Variants in BTBD3 observed in about 807,000 individuals in gnomAD.
BTBD3 encodes the protein BTB domain containing 3.
Under a neutral mutation model 41.6 loss-of-function variants are expected in BTBD3, and 14 were observed. The observed-to-expected ratio is 0.34, with a 90% confidence interval of 0.22 to 0.53. BTBD3 has a LOEUF of 0.53. Ranked by LOEUF, BTBD3 falls within the 20% of genes least tolerant of loss-of-function variation. BTBD3 has a pLI of 0.95. For missense variants in BTBD3, 426 were observed against 654.7 expected, an observed-to-expected ratio of 0.65 and a Z score of 3.81; for synonymous variants, 249 against 233.7, an observed-to-expected ratio of 1.07 and a Z score of -0.60.
intron 1 of BTBD3, among the ~76,000 whole-genome samples, chr20:11,905,726 A>T (rs1284435025): frequency 6.6e-6 from 1 of 152,186 alleles, no homozygotes; most frequent in Non-Finnish European, 1.5e-5. Flanking sequence ...TAGTAATAAA[A>T]GTTACAGAGC....
intron 1 of BTBD3, among the ~76,000 whole-genome samples, chr20:11,907,753 A>G (rs1344638131): frequency 2.0e-5 from 3 of 152,192 alleles, no homozygotes; most frequent in African/African-American, 7.2e-5. Context: ...GATGGCAGGA[A>G]GCAATGGACC....
upstream of BTBD3, among the ~76,000 whole-genome samples, chr20:11,914,959 T>C (rs6109183): frequency 0.71 from 108,617 of 151,980 alleles, 39,212 homozygotes; most frequent in Non-Finnish European, 0.76. Flanking sequence ...TGAATCTCTT[T>C]CATCTTATAG....
chr20:11,923,481 G>A lies in BTBD3; in HGVS notation c.1384G>A (p.Glu462Lys), dbSNP rs750419351. The change falls in exon 4 of 4, where the codon GAG becomes AAG. Residue 462 changes from glutamate to lysine, a missense_variant. By Grantham distance (56) the Glu-to-Lys change is moderately conservative. Transcript: ENST00000378226. This position sits in a 1 kb window ranked among gnomAD's most constrained non-coding sequence, Gnocchi z 5.3. Reference protein sequence around the residue: ...PVWFEYPVQIEPDTFYTASVI... With the variant: ...PVWFEYPVQIKPDTFYTASVI... Reference sequence around the variant, plus strand: ...ATGGTTTGAATACCCAGTGCAGATCGAGCCAGACACCTTCTACACAGCCAG... The same window carrying A: ...ATGGTTTGAATACCCAGTGCAGATCAAGCCAGACACCTTCTACACAGCCAG... 8 of 1,613,510 alleles carry A rather than the reference G, an allele frequency of 5.0e-6. No individual in the cohort carries two copies. Among genetic ancestry groups the A allele is most frequent in the South Asian group, 2.2e-5 (2 of 91,018 alleles).
At chr20:11,908,499 T>A (rs1286293985) in intron 1 of BTBD3, among the ~76,000 whole-genome samples, 6 of 151,964 alleles carry the variant, frequency 3.9e-5, no homozygotes, top group African/African-American at 1.4e-4. Context: ...TTTAAGAACA[T>A]GTTTTCATGA....
intron 3 of BTBD3, chr20:11,921,632 A>G (rs1446731425): frequency 1.3e-5 from 2 of 152,226 alleles, no homozygotes; most frequent in Non-Finnish European, 2.9e-5. Flanking sequence ...TTCGCCTATC[A>G]GAGAAGAGAA....
intron 1 of BTBD3, among the ~76,000 whole-genome samples, chr20:11,903,963 A>G (rs758459426): frequency 6.6e-6 from 1 of 152,162 alleles, no homozygotes; most frequent in Non-Finnish European, 1.5e-5. Context: ...GTGCAAAAAT[A>G]TATTTTGGAG....
chr20:11,891,746 A>G (rs1328377155), intron 1 of BTBD3, among the ~76,000 whole-genome samples: 1 of 152,142 alleles, frequency 6.6e-6, no homozygotes, highest in Non-Finnish European at 1.5e-5. Flanking sequence ...ATCCCTATTT[A>G]TCAAGCAACC....
intron 1 of BTBD3, among the ~76,000 whole-genome samples, chr20:11,906,254 C>CTTTTTTTTTTTTTT (rs3071747): frequency 0.015 from 552 of 36,230 alleles, 164 homozygotes; most frequent in Non-Finnish European, 0.018. Flanking sequence ...ATTATTACTC[C>CTTTTTTTTTTTTTT]TTTTTTTTTT....
intron 1 of BTBD3, among the ~76,000 whole-genome samples, chr20:11,908,755 TA>T (rs2056871673): frequency 6.6e-6 from 1 of 152,162 alleles, no homozygotes; most frequent in African/African-American, 2.4e-5. Context: ...CTGATTATAA[TA>T]GCATGAGAGG....
chr20:11,911,049 C>T (rs1266366450), intron 1 of BTBD3, among the ~76,000 whole-genome samples: 2 of 152,072 alleles, frequency 1.3e-5, no homozygotes, highest in East Asian at 3.9e-4. Flanking sequence ...AGATTTCTTT[C>T]TTTCTGTTGA....
At chr20:11,895,909 C>CTGT (rs1176245967) in intron 1 of BTBD3, among the ~76,000 whole-genome samples, 1 of 152,190 alleles carries the variant, frequency 6.6e-6, no homozygotes, top group African/African-American at 2.4e-5. Context: ...ACTTGTCCAT[C>CTGT]TGTTTTCCAC....
chr20:11,923,480 C>T lies in BTBD3; in HGVS notation c.1383C>T (p.Ile461=), dbSNP rs746916322. 110 of 1,613,990 alleles carry T rather than the reference C, an allele frequency of 6.8e-5. No individual in the cohort carries two copies. Among genetic ancestry groups the T allele is most frequent in the Middle Eastern group, 3.3e-4 (2 of 6,084 alleles). ...TATGGTTTGAATACCCAGTGCAGATCGAGCCAGACACCTTCTACACAGCCA... is the reference window on the plus strand; with the variant it reads ...TATGGTTTGAATACCCAGTGCAGATTGAGCCAGACACCTTCTACACAGCCA... The part of the protein sequence containing the change: ...FPVWFEYPVQ[I]EPDTFYTASV... The change falls in exon 4 of 4, where the codon ATC becomes ATT. Residue 461 remains isoleucine, a synonymous_variant. Coordinates refer to ENST00000378226, the MANE Select transcript of BTBD3 (RefSeq NM_014962.4). This position sits in a 1 kb window ranked among gnomAD's most constrained non-coding sequence, Gnocchi z 5.3.
At chr20:11,897,185 A>G (rs1005495971) in intron 1 of BTBD3, among the ~76,000 whole-genome samples, 1 of 152,166 alleles carries the variant, frequency 6.6e-6, no homozygotes, top group Non-Finnish European at 1.5e-5. Context: ...TGTTGTCACA[A>G]ATAGTCACAG....
At chr20:11,892,111 A>C (rs1025301397) in intron 1 of BTBD3, among the ~76,000 whole-genome samples, 1 of 152,234 alleles carries the variant, frequency 6.6e-6, no homozygotes, top group Non-Finnish European at 1.5e-5. Flanking sequence ...TCATTTTCCT[A>C]GACAGGAACT....
At chr20:11,916,876 AG>A (rs1412186288), upstream of BTBD3, among the ~76,000 whole-genome samples, 1 of 152,236 alleles carries the variant, frequency 6.6e-6, no homozygotes, top group Non-Finnish European at 1.5e-5. Flanking sequence ...AAGCATATGC[AG>A]AACCTATTGC....
intron 1 of BTBD3, among the ~76,000 whole-genome samples, chr20:11,895,504 C>T (rs1229656697): frequency 6.6e-6 from 1 of 152,102 alleles, no homozygotes; most frequent in Non-Finnish European, 1.5e-5. Flanking sequence ...GTAGGGTCTT[C>T]TTGGGCTGGT....
chr20:11,910,932 T>A, intron 1 of BTBD3, among the ~76,000 whole-genome samples: 1 of 152,242 alleles, frequency 6.6e-6, no homozygotes, highest in East Asian at 1.9e-4. Flanking sequence ...TTATATACTT[T>A]ATCAAATAAC....
At position 11,923,392 on chromosome 20, in the gene BTBD3, G is replaced by T. The variant is rs1172866915; in HGVS notation, c.1295G>T (p.Gly432Val). The change falls in exon 4 of 4, where the codon GGC becomes GTC. Residue 432 changes from glycine (G) to valine (V), a missense_variant. Physicochemically the swap from Gly to Val is moderately radical, Grantham distance 109 (BLOSUM62 -3). Coordinates refer to ENST00000378226, the MANE Select transcript of BTBD3 (RefSeq NM_014962.4). The surrounding 1 kb of genome is among the most constrained non-coding windows in gnomAD (Gnocchi z 5.3). ...GCCAAGATTGAACTTAAGCGGCAGG[G>T]CGTTGTCCTGGGGCAGAACTTGAGC... is the stretch of plus-strand genomic sequence containing the variant. ...YSAKIELKRQ[G>V]VVLGQNLSKY... is the part of the protein sequence containing the mutation. 1 of 1,614,218 alleles carries T rather than the reference G, an allele frequency of 6.2e-7. No homozygotes were observed. The highest frequency in any genetic ancestry group is 1.3e-5 in the African/African-American group (1 of 75,064).
rs186941780 is a variant in BTBD3, at chr20:11,923,845, G to A, written c.*179G>A. The A allele has an allele frequency of 1.1e-3, 660 of 609,134 alleles. 9 individuals carry two copies. The highest frequency in any genetic ancestry group is 0.011 in the South Asian group (460 of 43,726). The allele number at this position is 609,134 out of a possible 1,614,324, so 37.7% of individuals were successfully genotyped here. A position where few individuals can be genotyped will look rare whatever the true frequency, so the allele number is the denominator to read the frequency against. ...TGTACAGGCAAAAATGCAGCATTCCGCTTTTAACTATCTGCTTAAAAGAGC... is the reference window on the plus strand; with the variant it reads ...TGTACAGGCAAAAATGCAGCATTCCACTTTTAACTATCTGCTTAAAAGAGC... On this transcript the variant is annotated 3_prime_UTR_variant, in exon 4 of 4. Coordinates refer to ENST00000378226, the MANE Select transcript of BTBD3 (RefSeq NM_014962.4). This position sits in a 1 kb window ranked among gnomAD's most constrained non-coding sequence, Gnocchi z 5.3.
Sources: allele counts gnomAD v4.1 joint callset (sites outside exome capture counted in the v4.1 genomes callset), GRCh38; gene constraint gnomAD v4.1.1; non-coding constraint Gnocchi (gnomAD v3.1); transcripts MANE v1.5; gene names NCBI Gene and HGNC (gene_info 2026-07-23, HGNC 2026-07-21).